Variants in LPAR5 observed in about 807,000 individuals in gnomAD.
LPAR5 encodes the protein lysophosphatidic acid receptor 5.
For missense variants in LPAR5, 544 were observed against 521.8 expected (o/e 1.04, Z -0.41); for synonymous variants, 271 against 261.6 (o/e 1.04, Z -0.35).
In LPAR5 at chr12:6,619,589, A is replaced by G; in HGVS notation, c.*541T>C. On this transcript the variant is annotated 3_prime_UTR_variant, in exon 2 of 2. Transcript: ENST00000329858. ...AAATTGTCACAAGTCACTATGCGAG[A>G]AAGAATGTAGTTCTGTCCATAGGAA... 1 of 199,428 alleles carries G rather than the reference A, an allele frequency of 5.0e-6. No homozygotes were observed. Among genetic ancestry groups the G allele is most frequent in the Non-Finnish European group, 1.0e-5 (1 of 95,358 alleles). 12.4% of individuals were successfully genotyped at this position (199,428 alleles called of 1,614,324 possible). A position where few individuals can be genotyped will look rare whatever the true frequency, so the allele number is the denominator to read the frequency against.
In LPAR5 at chr12:6,619,986, C is replaced by G. The variant is rs1948873398; in HGVS notation, c.*144G>C. The G allele has an allele frequency of 8.6e-7, 1 of 1,165,060 alleles. No homozygotes were observed. Among genetic ancestry groups the G allele is most frequent in the East Asian group, 2.6e-5 (1 of 39,140 alleles). 72.2% of individuals were successfully genotyped at this position (1,165,060 alleles called of 1,614,324 possible). On this transcript the variant is annotated 3_prime_UTR_variant, in exon 2 of 2. Transcript: ENST00000329858. ...CCTTCCCTGGGCCCTGGCTTCCACA[C>G]TTTGTACTCTTCTGCGTTGCTAAGC... is the stretch of plus-strand genomic sequence containing the variant.
chr12:6,622,956 A>G lies in LPAR5; in HGVS notation c.-216-1492T>C, dbSNP rs553837653. ...TCTCAAAAAAGAAAGAAAGAGGGCCAGGGCCGGCGTAGTGGCCCACACCTG... is the reference window on the plus strand; with the variant it reads ...TCTCAAAAAAGAAAGAAAGAGGGCCGGGGCCGGCGTAGTGGCCCACACCTG... On this transcript the variant is annotated intron_variant, in intron 1 of 1. Transcript: ENST00000329858. Among the ~76,000 whole-genome samples, 31 of 151,430 alleles carry G rather than the reference A, an allele frequency of 2.0e-4. 1 individual carries two copies. The highest frequency in any genetic ancestry group is 7.5e-4 in the African/African-American group (31 of 41,298).
At chr12:6,626,710 G>A (rs968109565) in intron 1 of LPAR5, among the ~76,000 whole-genome samples, 5 of 152,164 alleles carry the variant, frequency 3.3e-5, no homozygotes, top group African/African-American at 1.2e-4. Context: ...TGTATGTGGT[G>A]TTTCTTCAAC....
At chr12:6,634,770 T>C (rs1484634314) in intron 1 of LPAR5, among the ~76,000 whole-genome samples, 1 of 150,642 alleles carries the variant, frequency 6.6e-6, no homozygotes, top group East Asian at 2.0e-4. Context: ...CACTCCAGCC[T>C]GGGCAACAGA....
At chr12:6,634,921 C>G (rs934064497) in intron 1 of LPAR5, among the ~76,000 whole-genome samples, 1 of 151,544 alleles carries the variant, frequency 6.6e-6, no homozygotes, top group Non-Finnish European at 1.5e-5. Context: ...AACCCTGTCT[C>G]TACTAAAAAT....
intron 1 of LPAR5, among the ~76,000 whole-genome samples, chr12:6,627,286 C>T (rs1193808194): frequency 1.3e-5 from 2 of 151,776 alleles, no homozygotes; most frequent in African/African-American, 2.4e-5. Context: ...AGTGAGACTC[C>T]GTCTAAATAA....
intron 1 of LPAR5, among the ~76,000 whole-genome samples, chr12:6,622,463 A>G (rs1468548058): frequency 6.6e-6 from 1 of 151,020 alleles, no homozygotes; most frequent in Non-Finnish European, 1.5e-5. Flanking sequence ...AAAAATAAAA[A>G]TAAGGCTGGG....
In LPAR5 at chr12:6,621,203, G is replaced by T; in HGVS notation, c.46C>A (p.Pro16Thr). The change falls in exon 2 of 2, where the codon CCT becomes ACT. Residue 16 changes from proline to threonine, a missense_variant. Coordinates refer to ENST00000329858, the MANE Select transcript of LPAR5 (RefSeq NM_020400.6). ...AGGCGGTGGGTAGGTCGGTAGTCAG[G>T]ACACGGGAGAACAGAACTGTTGGTT... ...SSTNSSVLPC[P>T]DYRPTHRLHL... 2 of 1,541,060 alleles carry T rather than the reference G, an allele frequency of 1.3e-6. No homozygotes were observed. Among genetic ancestry groups the T allele is most frequent in the South Asian group, 1.3e-5 (1 of 79,046 alleles).
At chr12:6,632,345 G>T (rs1038819275) in intron 1 of LPAR5, among the ~76,000 whole-genome samples, 1 of 152,254 alleles carries the variant, frequency 6.6e-6, no homozygotes. Flanking sequence ...TGAAAAGAAG[G>T]TTCTTACATC....
chr12:6,634,590 G>T (rs1948999540), intron 1 of LPAR5, among the ~76,000 whole-genome samples: 1 of 151,730 alleles, frequency 6.6e-6, no homozygotes, highest in South Asian at 2.1e-4. Flanking sequence ...TCTAGATCAT[G>T]CCACTGCACT....
chr12:6,620,332 T>C lies in LPAR5; in HGVS notation c.917A>G (p.Asn306Ser), dbSNP rs1201031183. 1 of 1,610,264 alleles carries C rather than the reference T, an allele frequency of 6.2e-7. No homozygotes were observed. The highest frequency in any genetic ancestry group is 8.5e-7 in the Non-Finnish European group (1 of 1,178,532). The change falls in exon 2 of 2, where the codon AAC (asparagine) becomes AGC (serine). Residue 306 changes from asparagine to serine, a missense_variant. Physicochemically the swap from Asn to Ser is conservative, Grantham distance 46 (BLOSUM62 1). Coordinates refer to ENST00000329858, the MANE Select transcript of LPAR5 (RefSeq NM_020400.6). The surrounding 1 kb of genome is among the most constrained non-coding windows in gnomAD (Gnocchi z 6.8). ...CGGAGTGCCCAGGCCGCGCAGGGTG[T>C]TGCGGAAGCCCTCGGCGCTAAAGTA... ...VYYFSAEGFR[N>S]TLRGLGTPHR... is the part of the protein sequence containing the mutation.
At chr12:6,633,023 G>A (rs1019067335) in intron 1 of LPAR5, among the ~76,000 whole-genome samples, 2 of 152,076 alleles carry the variant, frequency 1.3e-5, no homozygotes, top group African/African-American at 2.4e-5. Context: ...ATCATCCTCG[G>A]CCCTGGCTTC....
At position 6,621,017 on chromosome 12, in the gene LPAR5, G is replaced by C. The variant is rs768359478; in HGVS notation, c.232C>G (p.Arg78Gly). The change falls in exon 2 of 2, where the codon CGT (arginine) becomes GGT (glycine). Residue 78 changes from arginine to glycine, a missense_variant. Arg to Gly is a moderately radical substitution (Grantham distance 125, BLOSUM62 -2). Transcript: ENST00000329858. Reference protein sequence around the residue: ...DLLFTLSLPVRLSYYALHHWP... With the variant: ...DLLFTLSLPVGLSYYALHHWP... ...TGGTGCAGTGCGTAGTAGGAGAGACGAACGGGCAGCGAGAGGGTGAAGAGC... is the reference window on the plus strand; with the variant it reads ...TGGTGCAGTGCGTAGTAGGAGAGACCAACGGGCAGCGAGAGGGTGAAGAGC... The C allele has an allele frequency of 1.2e-6, 2 of 1,611,982 alleles. No individual in the cohort carries two copies. Among genetic ancestry groups the C allele is most frequent in the Non-Finnish European group, 8.5e-7 (1 of 1,178,876 alleles).
chr12:6,619,700 G>A lies in LPAR5; in HGVS notation c.*430C>T. On this transcript the variant is annotated 3_prime_UTR_variant, in exon 2 of 2. Transcript: ENST00000329858. ...CATCCATGAGCCTAGACAGAAGTCA[G>A]CAGATGAACAGGCATCTCAGTAGCT... is the stretch of plus-strand genomic sequence containing the variant. 5.6e-6 allele frequency: 2 copies of A among 354,424 alleles called. No individual in the cohort carries two copies. Among genetic ancestry groups the A allele is most frequent in the South Asian group, 4.4e-5 (2 of 44,982 alleles). 22.0% of individuals were successfully genotyped at this position (354,424 alleles called of 1,614,324 possible). A position where few individuals can be genotyped will look rare whatever the true frequency, so the allele number is the denominator to read the frequency against.
chr12:6,619,888 C>T lies in LPAR5; in HGVS notation c.*242G>A, dbSNP rs954807981. 2.9e-6 allele frequency: 2 copies of T among 696,702 alleles called. No individual in the cohort carries two copies. The highest frequency in any genetic ancestry group is 3.5e-5 in the African/African-American group (2 of 57,046). 43.2% of individuals were successfully genotyped at this position (696,702 alleles called of 1,614,324 possible). On this transcript the variant is annotated 3_prime_UTR_variant, in exon 2 of 2. Transcript: ENST00000329858. ...GCCCTCTGCACGGGTGGGCTCTCTG[C>T]ATCACTTCCCACCGCTGGAGAAGGG...
In LPAR5 at chr12:6,620,829, C is replaced by G; in HGVS notation, c.420G>C (p.Leu140=). Residue 140 remains leucine (L), a synonymous_variant, in exon 2 of 2, where the codon CTG becomes CTC. Coordinates refer to ENST00000329858, the MANE Select transcript of LPAR5 (RefSeq NM_020400.6). The surrounding 1 kb of genome is among the most constrained non-coding windows in gnomAD (Gnocchi z 6.8). ...RHLRRPRVAR[L]LCLGVWALIL... is the part of the protein sequence containing the mutation. ...TGAGCGCCCACACGCCCAGGCAGAGCAGCCGCGCCACGCGGGGCCGCCGCA... is the reference window on the plus strand; with the variant it reads ...TGAGCGCCCACACGCCCAGGCAGAGGAGCCGCGCCACGCGGGGCCGCCGCA... The G allele has an allele frequency of 6.4e-7, 1 of 1,560,754 alleles. No homozygotes were observed. Among genetic ancestry groups the G allele is most frequent in the Non-Finnish European group, 8.7e-7 (1 of 1,152,520 alleles).
intron 1 of LPAR5, among the ~76,000 whole-genome samples, chr12:6,628,483 G>A (rs375774978): frequency 1.3e-5 from 2 of 151,034 alleles, no homozygotes; most frequent in African/African-American, 4.9e-5. Flanking sequence ...TTGAGATGGA[G>A]TTTCGCATGC....
chr12:6,625,554 T>C (rs991013129), intron 1 of LPAR5, among the ~76,000 whole-genome samples: 1 of 150,864 alleles, frequency 6.6e-6, no homozygotes, highest in African/African-American at 2.4e-5. Context: ...ACCTCGTCTC[T>C]ACTGAAAATA....
intron 1 of LPAR5, among the ~76,000 whole-genome samples, chr12:6,622,750 A>G (rs759580336): frequency 6.6e-6 from 1 of 151,952 alleles, no homozygotes; most frequent in Non-Finnish European, 1.5e-5. Context: ...CTCAAAAAAA[A>G]ATAAAATAAA....
Sources: gnomAD v4.1 joint callset for allele counts (sites outside exome capture counted in the v4.1 genomes callset) on GRCh38, gnomAD v4.1.1 for gene constraint, Gnocchi (gnomAD v3.1) non-coding constraint, MANE v1.5 for transcripts, NCBI Gene and HGNC (gene_info 2026-07-23, HGNC 2026-07-21) for gene names.